The following SLC10A7 variants were observed in gnomAD, a reference collection of about 807,000 sequenced individuals.
The protein encoded by SLC10A7 is sodium/bile acid cotransporter 7.
A neutral mutation model predicts 43.2 loss-of-function variants in SLC10A7; 29 were observed. The ratio of observed to expected loss-of-function variants is 0.67; its 90% CI spans 0.50 to 0.92. The LOEUF is 0.92. SLC10A7 is among the 40% of genes least tolerant of loss of function. The probability of loss-of-function intolerance (pLI) is 0.00; values close to 1 mark genes in which losing one functional copy is unlikely to be tolerated. For missense variants in SLC10A7, 295 were observed against 403.2 expected, an observed-to-expected ratio of 0.73 and a Z score of 2.30; for synonymous variants, 152 against 144.8, an observed-to-expected ratio of 1.05 and a Z score of -0.35.
At chr4:146,463,718 G>A (rs1184203323) in intron 4 of SLC10A7, among the ~76,000 whole-genome samples, 1 of 151,790 alleles carries the variant, frequency 6.6e-6, no homozygotes, top group African/African-American at 2.4e-5. Flanking sequence ...TCCACCCTGG[G>A]TGACAGAGCA....
intron 5 of SLC10A7, among the ~76,000 whole-genome samples, chr4:146,436,814 A>G (rs1422091883): frequency 1.3e-5 from 2 of 152,134 alleles, no homozygotes; most frequent in African/African-American, 4.8e-5. Context: ...TTAGCTACAA[A>G]TTAATAGTAG....
At chr4:146,480,381 G>C (rs1200242169) in intron 4 of SLC10A7, among the ~76,000 whole-genome samples, 1 of 152,000 alleles carries the variant, frequency 6.6e-6, no homozygotes, top group Non-Finnish European at 1.5e-5. Flanking sequence ...CCAAATAACA[G>C]TAGATTATAC....
At chr4:146,269,878 GT>G (rs899655485) in intron 10 of SLC10A7, among the ~76,000 whole-genome samples, 1 of 152,156 alleles carries the variant, frequency 6.6e-6, no homozygotes, top group African/African-American at 2.4e-5. Context: ...TAGTTAAAAA[GT>G]AAATGTGAGT....
At chr4:146,423,293 A>T (rs1340326691) in intron 5 of SLC10A7, among the ~76,000 whole-genome samples, 1 of 152,190 alleles carries the variant, frequency 6.6e-6, no homozygotes, top group Non-Finnish European at 1.5e-5. Context: ...CTATTTAACA[A>T]GTCATTTTCT....
chr4:146,488,068 G>A (rs1490145072), intron 4 of SLC10A7, among the ~76,000 whole-genome samples: 1 of 152,014 alleles, frequency 6.6e-6, no homozygotes, highest in East Asian at 1.9e-4. Flanking sequence ...GCACATGCCT[G>A]TAATCCCAGC....
At position 146,438,147 on chromosome 4, in the gene SLC10A7, A is replaced by G. The variant is rs529862386; in HGVS notation, c.435+4636T>C. 2.0e-5 allele frequency among the ~76,000 whole-genome samples: 3 copies of G among 152,164 alleles called. No individual in the cohort carries two copies. In the South Asian group the frequency reaches 6.2e-4, roughly 32 times the overall value. ...AGTTAACTATTCAAATTTTTCTACA[A>G]AGCAGGGTAGTAACCGAGAACCAGC... On this transcript the variant is annotated intron_variant, in intron 5 of 11. Coordinates refer to ENST00000335472, the MANE Select transcript of SLC10A7 (RefSeq NM_001029998.6).
intron 4 of SLC10A7, among the ~76,000 whole-genome samples, chr4:146,498,132 T>C (rs1403500062): frequency 2.0e-5 from 3 of 149,210 alleles, no homozygotes; most frequent in Non-Finnish European, 3.0e-5. Flanking sequence ...TTTTTTTTTA[T>C]TTTGAGACGG....
intron 9 of SLC10A7, among the ~76,000 whole-genome samples, chr4:146,290,142 C>CAG (rs1730331941): frequency 2.0e-5 from 3 of 150,284 alleles, no homozygotes; most frequent in Non-Finnish European, 3.0e-5. Context: ...GGCTAACATG[C>CAG]TGAAACCCCA....
In SLC10A7 at chr4:146,503,264, T is replaced by A. The variant is rs115034757; in HGVS notation, c.396+585A>T. On this transcript the variant is annotated intron_variant, in intron 4 of 11. Transcript: ENST00000335472. The stretch of plus-strand genomic sequence containing the variant: ...TATCACAAATGAATGTCCGTCAGTA[T>A]AAAGTCATAGCACCTTTCAACCAAG... Among the ~76,000 whole-genome samples, 1,022 of 152,278 alleles carry A rather than the reference T, an allele frequency of 6.7e-3. 8 individuals carry two copies. The highest frequency in any genetic ancestry group is 0.024 in the African/African-American group (991 of 41,546).
intron 4 of SLC10A7, among the ~76,000 whole-genome samples, chr4:146,448,363 T>C (rs918124018): frequency 2.6e-5 from 4 of 152,186 alleles, no homozygotes; most frequent in Middle Eastern, 3.2e-3. Context: ...GCCTGAAATC[T>C]ATAACTTCTC....
intron 8 of SLC10A7, among the ~76,000 whole-genome samples, chr4:146,293,423 C>CTTG (rs1415105049): frequency 6.6e-6 from 1 of 152,074 alleles, no homozygotes; most frequent in East Asian, 1.9e-4. Flanking sequence ...TTAGCAGTTT[C>CTTG]CTGCATTTTA....
chr4:146,353,371 G>C (rs1227552118), intron 5 of SLC10A7, among the ~76,000 whole-genome samples: 1 of 134,840 alleles, frequency 7.4e-6, no homozygotes, highest in Non-Finnish European at 1.6e-5. Flanking sequence ...CCAATAACAG[G>C]CTCTGAAATT....
At chr4:146,475,665 T>A (rs1177018921) in intron 4 of SLC10A7, among the ~76,000 whole-genome samples, 1 of 152,194 alleles carries the variant, frequency 6.6e-6, no homozygotes, top group Non-Finnish European at 1.5e-5. Flanking sequence ...GTTTCAAAGC[T>A]ATTACTCCAA....
chr4:146,317,103 T>C (rs923623092), intron 6 of SLC10A7, among the ~76,000 whole-genome samples: 9 of 152,062 alleles, frequency 5.9e-5, no homozygotes, highest in Admixed American at 3.3e-4. Context: ...TCTCTACAAA[T>C]AGAGTGTGAG....
chr4:146,515,829 G>A (rs1278587197), intron 2 of SLC10A7, among the ~76,000 whole-genome samples: 2 of 141,484 alleles, frequency 1.4e-5, no homozygotes, highest in African/African-American at 5.3e-5. Context: ...AGAATCACTT[G>A]AACCCGGGAG....
chr4:146,509,402 T>C (rs1737242007), intron 3 of SLC10A7, among the ~76,000 whole-genome samples: 1 of 152,240 alleles, frequency 6.6e-6, no homozygotes, highest in Non-Finnish European at 1.5e-5. Context: ...CATTAAAAAC[T>C]ATTTAAAAAC....
intron 1 of SLC10A7, among the ~76,000 whole-genome samples, chr4:146,519,114 A>AG (rs1738353630): frequency 1.8e-5 from 2 of 110,386 alleles, no homozygotes; most frequent in African/African-American, 6.8e-5. Flanking sequence ...TATATATATA[A>AG]TATAATATAT....
At chr4:146,445,405 G>A (rs1429384585) in intron 4 of SLC10A7, among the ~76,000 whole-genome samples, 2 of 152,170 alleles carry the variant, frequency 1.3e-5, no homozygotes, top group African/African-American at 2.4e-5. Flanking sequence ...CTGGCCGGTC[G>A]CACCTCTCTG....
chr4:146,336,137 T>C (rs1371172893), intron 5 of SLC10A7, among the ~76,000 whole-genome samples: 8 of 152,120 alleles, frequency 5.3e-5, no homozygotes, highest in Non-Finnish European at 1.2e-4. Context: ...TTTTAGCCTT[T>C]GCAGGGACAC....
Sources: gnomAD v4.1 joint callset for allele counts (sites outside exome capture counted in the v4.1 genomes callset) on GRCh38, gnomAD v4.1.1 for gene constraint, MANE v1.5 for transcripts, NCBI Gene and HGNC (gene_info 2026-07-23, HGNC 2026-07-21) for gene names.